BAAT: variants seen among roughly 807,000 people sequenced by gnomAD.
The protein encoded by BAAT is bile acid-CoA:amino acid N-acyltransferase.
BAAT carries 13 observed loss-of-function variants against 18.9 expected under a neutral mutation model. That is an observed-to-expected ratio of 0.69 (90% CI 0.45 to 1.10). The LOEUF (loss-of-function observed/expected upper bound fraction) is 1.10, where lower values mean the gene tolerates loss of function less well. BAAT is among the 50% of genes least tolerant of loss of function. The pLI is 0.00. For synonymous variants in BAAT, 170 were observed against 190.7 expected (o/e 0.89, Z 0.89); for missense variants, 489 against 504.0 (o/e 0.97, Z 0.28).
chr9:101,363,332 G>A (rs191509043), intron 3 of BAAT, among the ~76,000 whole-genome samples: 35 of 152,266 alleles, frequency 2.3e-4, no homozygotes, highest in African/African-American at 8.2e-4. Context: ...TGTGGGTCAG[G>A]GTATAGATGA....
At chr9:101,376,867 GA>G (rs1343346393) in intron 1 of BAAT, among the ~76,000 whole-genome samples, 1 of 152,214 alleles carries the variant, frequency 6.6e-6, no homozygotes, top group Non-Finnish European at 1.5e-5. Context: ...AATTTTGTAA[GA>G]GGGCATTAAT....
At chr9:101,370,822 A>G in intron 2 of BAAT, 117 bp downstream of exon 2, 5 of 1,210,168 alleles carry the variant, frequency 4.1e-6, no homozygotes, top group Non-Finnish European at 6.1e-6. Flanking sequence ...AAGGTGGAAA[A>G]ACAATAATAA....
intron 2 of BAAT, among the ~76,000 whole-genome samples, chr9:101,370,219 G>A (rs1829907699): frequency 6.6e-6 from 1 of 150,926 alleles, no homozygotes; most frequent in South Asian, 2.1e-4. Context: ...GGCTGAAGAA[G>A]TATGCAGAAG....
intron 3 of BAAT, among the ~76,000 whole-genome samples, chr9:101,364,106 C>T (rs564654940): frequency 1.3e-5 from 2 of 152,314 alleles, no homozygotes; most frequent in East Asian, 3.9e-4. Context: ...CCATTCTCCA[C>T]AATTTCAAAG....
At chr9:101,379,243 C>A (rs1051363077) in intron 1 of BAAT, among the ~76,000 whole-genome samples, 1 of 152,140 alleles carries the variant, frequency 6.6e-6, no homozygotes, top group Non-Finnish European at 1.5e-5. Flanking sequence ...TCAGGTGATC[C>A]GCCTGCCTCA....
chr9:101,368,712 T>C (rs1829876088), intron 2 of BAAT, among the ~76,000 whole-genome samples: 1 of 152,084 alleles, frequency 6.6e-6, no homozygotes, highest in South Asian at 2.1e-4. Context: ...GCATATAAAT[T>C]AGGCCAGGGC....
chr9:101,368,393 A>C, intron 2 of BAAT, 71 bp from the exon 3 acceptor site: 1 of 1,329,956 alleles, frequency 7.5e-7, no homozygotes. Context: ...TGAAAATACA[A>C]AGCAGAAATA....
Position 101,362,764 on chromosome 9 carries a change from A to G in BAAT, c.921T>C (p.Ser307=), listed in dbSNP as rs1829757075. Residue 307 remains serine (S), a synonymous_variant, in exon 4 of 4, where the codon AGT becomes AGC. Transcript: ENST00000259407. Reference sequence around the variant, plus strand: ...CCTCTTCAATAGGAAACAAATATTGACTGGCCCCAACTTGAGTTGTCTCAA... The same window carrying G: ...CCTCTTCAATAGGAAACAAATATTGGCTGGCCCCAACTTGAGTTGTCTCAA... ...RTFETTQVGA[S]QYLFPIEEAQ... 1 of 1,614,160 alleles carries G rather than the reference A, an allele frequency of 6.2e-7. No homozygotes were observed. The highest frequency in any genetic ancestry group is 8.5e-7 in the Non-Finnish European group (1 of 1,180,032).
rs1829715218 is a variant in BAAT, at chr9:101,361,132, G to A, written c.*1296C>T. Reference sequence around the variant, plus strand: ...CAGAATCCCTCATGATAAAGACTATGAGGAGAATGAAGTAGGAGAAGCTGA... The same window carrying A: ...CAGAATCCCTCATGATAAAGACTATAAGGAGAATGAAGTAGGAGAAGCTGA... On this transcript the variant is annotated 3_prime_UTR_variant, in exon 4 of 4. Coordinates refer to ENST00000259407, the MANE Select transcript of BAAT (RefSeq NM_001701.4). The A allele has an allele frequency of 6.4e-6, 1 of 155,850 alleles. No individual in the cohort carries two copies. Among genetic ancestry groups the A allele is most frequent in the Admixed American group, 6.5e-5 (1 of 15,286 alleles). 9.7% of individuals were successfully genotyped at this position (155,850 alleles called of 1,614,324 possible).
At chr9:101,367,789 C>A (rs1193148454) in intron 3 of BAAT, among the ~76,000 whole-genome samples, 1 of 152,162 alleles carries the variant, frequency 6.6e-6, no homozygotes, top group Non-Finnish European at 1.5e-5. Flanking sequence ...CCCAGCCAGT[C>A]CCTTTTTAAA....
At chr9:101,368,414 G>A (rs1829872223) in intron 2 of BAAT, 92 bp from the exon 3 acceptor site, 2 of 1,071,010 alleles carry the variant, frequency 1.9e-6, no homozygotes, top group East Asian at 2.6e-5. Context: ...CAAATGATTA[G>A]ATAATAAAAG....
At chr9:101,384,692 C>T (rs889671496) in intron 1 of BAAT, among the ~76,000 whole-genome samples, 163 bp downstream of exon 1, 4 of 152,088 alleles carry the variant, frequency 2.6e-5, no homozygotes, top group Non-Finnish European at 4.4e-5. Context: ...CATAAATACA[C>T]ATAAATAAAT....
chr9:101,373,742 T>C (rs999603988), intron 1 of BAAT, among the ~76,000 whole-genome samples: 1 of 152,188 alleles, frequency 6.6e-6, no homozygotes, highest in African/African-American at 2.4e-5. Context: ...CTATAATTTA[T>C]AGTGTTCAAC....
At chr9:101,384,497 C>T (rs1333275370) in intron 1 of BAAT, among the ~76,000 whole-genome samples, 1 of 151,954 alleles carries the variant, frequency 6.6e-6, no homozygotes, top group South Asian at 2.1e-4. Flanking sequence ...AGACTCAAGC[C>T]CTACTAAGGG....
rs757540618 is a variant in BAAT, at chr9:101,371,013, C to A, written c.392G>T (p.Trp131Leu). Residue 131 changes from tryptophan (W) to leucine (L), a missense_variant, in exon 2 of 4, where the codon TGG becomes TTG. By Grantham distance (61) the Trp-to-Leu change is moderately conservative (BLOSUM62 -2). Coordinates refer to ENST00000259407, the MANE Select transcript of BAAT (RefSeq NM_001701.4). ...APKASLTLER[W>L]YVAPGVTRIK... ...TCGTGTGACACCAGGTGCCACATAC[C>A]ACCTCTCCAAAGTCAGGCTGGCCTT... 6.2e-7 allele frequency: 1 copy of A among 1,614,050 alleles called. No homozygotes were observed.
intron 3 of BAAT, among the ~76,000 whole-genome samples, chr9:101,365,259 C>T (rs1346947456): frequency 1.3e-5 from 2 of 152,080 alleles, no homozygotes; most frequent in East Asian, 3.9e-4. Flanking sequence ...TAATTGATCT[C>T]CTATATTTTA....
intron 3 of BAAT, among the ~76,000 whole-genome samples, chr9:101,367,821 A>T (rs951278144): frequency 1.3e-5 from 2 of 152,190 alleles, no homozygotes; most frequent in Admixed American, 1.3e-4. Context: ...ATATCCTATG[A>T]CTTCTCTTAA....
rs1417140474 is a variant in BAAT at position 101,368,288 on chromosome 9, A to T, written c.501T>A (p.Phe167Leu). The change falls in exon 3 of 4, where the codon TTT becomes TTA. Residue 167 changes from phenylalanine (F) to leucine (L), a missense_variant. Physicochemically the swap from Phe to Leu is conservative, Grantham distance 22. Transcript: ENST00000259407. ...EGLFPGVIDLFGGLGGLLEFR... is the reference protein window; with the variant it reads ...EGLFPGVIDLLGGLGGLLEFR... ...ATTCAAGCAGCCCACCCAAACCACC[A>T]AACAAATCAATTACCCCTGGGAAGA... 4 of 1,613,148 alleles carry T rather than the reference A, an allele frequency of 2.5e-6. No individual in the cohort carries two copies. Among genetic ancestry groups the T allele is most frequent in the Non-Finnish European group, 3.4e-6 (4 of 1,180,008 alleles).
intron 1 of BAAT, among the ~76,000 whole-genome samples, chr9:101,380,162 A>AT (rs34155990): frequency 0.8 from 121,533 of 152,116 alleles, 48,836 homozygotes; most frequent in African/African-American, 0.83. Context: ...CTAATCTGCC[A>AT]GTTGACATCT....
Sources: allele counts gnomAD v4.1 joint callset (sites outside exome capture counted in the v4.1 genomes callset), GRCh38; gene constraint gnomAD v4.1.1; transcripts MANE v1.5; gene names NCBI Gene and HGNC (gene_info 2026-07-23, HGNC 2026-07-21).